The following ZMYND19 variants were observed in gnomAD, a reference collection of about 807,000 sequenced individuals.
ZMYND19 encodes zinc finger MYND-type containing 19.
Under a neutral mutation model 32.0 loss-of-function variants are expected in ZMYND19, and 17 were observed. The ratio of observed to expected loss-of-function variants is 0.53; its 90% CI spans 0.36 to 0.80. ZMYND19 has a LOEUF of 0.80. Ranked by LOEUF, ZMYND19 falls within the 30% of genes least tolerant of loss-of-function variation. The pLI is 0.00. For synonymous variants in ZMYND19, 124 were observed against 113.6 expected, an observed-to-expected ratio of 1.09 and a Z score of -0.58; for missense variants, 250 against 293.6, an observed-to-expected ratio of 0.85 and a Z score of 1.09.
In ZMYND19 at chr9:137,590,011, G is replaced by A. The variant is rs1284150991; in HGVS notation, c.51+202C>T. The A allele has an allele frequency of 1.4e-5, 14 of 985,090 alleles. No homozygotes were observed. Among genetic ancestry groups the A allele is most frequent in the East Asian group, 2.3e-4 (2 of 8,788 alleles). The allele number at this position is 985,090 out of a possible 1,614,324, so 61.0% of individuals were successfully genotyped here. A position where few individuals can be genotyped will look rare whatever the true frequency, so the allele number is the denominator to read the frequency against. On this transcript the variant is annotated intron_variant, in intron 1 of 5. Transcript: ENST00000298585. This position sits in a 1 kb window ranked among gnomAD's most constrained non-coding sequence, Gnocchi z 4.2. ...TGGCCAGGTGCACCCCAGAGCCGAG[G>A]GGTGCGTGCCCGCCGGCCTGCGAGA...
intron 4 of ZMYND19, among the ~76,000 whole-genome samples, chr9:137,585,057 G>A (rs574846138): frequency 6.6e-6 from 1 of 152,276 alleles, no homozygotes; most frequent in South Asian, 2.1e-4. Context: ...GCAGTATGAG[G>A]AAGGTCAAAA....
chr9:137,587,096 C>CG lies in ZMYND19; in HGVS notation c.229dup (p.Arg77ProfsTer37), dbSNP rs764895964. 6.2e-7 allele frequency: 1 copy of CG among 1,605,618 alleles called. No individual in the cohort carries two copies. Among genetic ancestry groups the CG allele is most frequent in the Non-Finnish European group, 8.5e-7 (1 of 1,179,960 alleles). On this transcript the variant is annotated frameshift_variant, in exon 4 of 6. Coordinates refer to ENST00000298585, the MANE Select transcript of ZMYND19 (RefSeq NM_138462.3). LOFTEE classifies it high-confidence loss of function. ...CTGGAAGCCCGGGGCCACGCCCCCC[C>CG]GGTGCCGCTCCCTAGAAACAGACAG...
chr9:137,588,599 C>T (rs942919251), intron 2 of ZMYND19, 60 bp downstream of exon 2: 25 of 1,586,564 alleles, frequency 1.6e-5, no homozygotes, highest in Admixed American at 8.4e-5. Flanking sequence ...GCTCGTTCCT[C>T]GTGACCCTCC....
At chr9:137,587,439 G>C (rs1464806860) in intron 3 of ZMYND19, 2 of 593,140 alleles carry the variant, frequency 3.4e-6, no homozygotes, top group South Asian at 2.1e-5. Context: ...TGCACACCGG[G>C]GGGGCTCGGC....
At chr9:137,583,283 C>T in intron 4 of ZMYND19, 120 bp from the exon 5 acceptor site, 1 of 1,070,592 alleles carries the variant, frequency 9.3e-7, no homozygotes, top group East Asian at 2.4e-5. Context: ...GAGTTTGAGT[C>T]TCCTTTGGCC....
chr9:137,587,920 G>C, intron 2 of ZMYND19, 97 bp from the exon 3 acceptor site: 1 of 1,250,356 alleles, frequency 8.0e-7, no homozygotes, highest in South Asian at 1.2e-5. Flanking sequence ...AAGCAAGCCA[G>C]AGGGACAAAT....
At position 137,587,189 on chromosome 9, in the gene ZMYND19, G is replaced by T. The variant is rs1048815965; in HGVS notation, c.219-82C>A. The T allele has an allele frequency of 3.2e-6, 5 of 1,547,860 alleles. No homozygotes were observed. In the African/African-American group the frequency reaches 4.1e-5, roughly 13 times the overall value. The stretch of plus-strand genomic sequence containing the variant: ...CAGACATTTCTGGTCAGGTACCAAA[G>T]TCCTTCCAGGAAGAAATGTCAGCCA... On this transcript the variant is annotated intron_variant, in intron 3 of 5. Transcript: ENST00000298585.
rs1426029321 is a variant in ZMYND19, at chr9:137,583,093, G to A, written c.430C>T (p.Leu144=). The change falls in exon 5 of 6, where the codon CTA becomes TTA. Residue 144 remains leucine, a synonymous_variant. Coordinates refer to ENST00000298585, the MANE Select transcript of ZMYND19 (RefSeq NM_138462.3). ...TDPIEEQFPV[L]NVTRYYNANG... ...GCATTATAATACCGGGTCACATTTA[G>A]GACAGGAAACTGTTCTTCTATAGGG... is the stretch of plus-strand genomic sequence containing the variant. The A allele has an allele frequency of 1.2e-6, 2 of 1,614,068 alleles. No individual in the cohort carries two copies. The highest frequency in any genetic ancestry group is 2.2e-5 in the East Asian group (1 of 44,900).
chr9:137,584,460 G>A (rs950095885), intron 4 of ZMYND19, among the ~76,000 whole-genome samples: 2 of 152,244 alleles, frequency 1.3e-5, no homozygotes, highest in African/African-American at 2.4e-5. Context: ...GTGCTGAGAG[G>A]ATTCAAGGTA....
chr9:137,583,266 C>T (rs887531703), intron 4 of ZMYND19, 103 bp from the exon 5 acceptor site: 5 of 1,323,978 alleles, frequency 3.8e-6, no homozygotes, highest in Non-Finnish European at 5.2e-6. Flanking sequence ...CCCAGGACAC[C>T]CAGCCCGAGT....
chr9:137,590,114 G>A lies in ZMYND19; in HGVS notation c.51+99C>T. On this transcript the variant is annotated intron_variant, in intron 1 of 5. Coordinates refer to ENST00000298585, the MANE Select transcript of ZMYND19 (RefSeq NM_138462.3). The surrounding 1 kb of genome is among the most constrained non-coding windows in gnomAD (Gnocchi z 4.2). Reference sequence around the variant, plus strand: ...CCCGCTGGGGCCCATCCCGGGCTCCGCGCCCCCGCCCCGGCCGCCGCCCGC... The same window carrying A: ...CCCGCTGGGGCCCATCCCGGGCTCCACGCCCCCGCCCCGGCCGCCGCCCGC... 1 of 982,038 alleles carries A rather than the reference G, an allele frequency of 1.0e-6. No individual in the cohort carries two copies. The highest frequency in any genetic ancestry group is 1.2e-6 in the Non-Finnish European group (1 of 828,380). 60.8% of individuals were successfully genotyped at this position (982,038 alleles called of 1,614,324 possible). A position where few individuals can be genotyped will look rare whatever the true frequency, so the allele number is the denominator to read the frequency against.
At position 137,590,441 on chromosome 9, in the gene ZMYND19, G is replaced by T; in HGVS notation, c.-178C>A. On this transcript the variant is annotated 5_prime_UTR_variant, in exon 1 of 6. Coordinates refer to ENST00000298585, the MANE Select transcript of ZMYND19 (RefSeq NM_138462.3). The surrounding 1 kb of genome is among the most constrained non-coding windows in gnomAD (Gnocchi z 4.2). The stretch of plus-strand genomic sequence containing the variant: ...GGGCTCGGGCCTCCGCCGCCGCCTC[G>T]CGCCCGCCGGACCTGCCACGCGCCG... 1 of 218,034 alleles carries T rather than the reference G, an allele frequency of 4.6e-6. No individual in the cohort carries two copies. The highest frequency in any genetic ancestry group is 7.6e-6 in the Non-Finnish European group (1 of 130,814). 13.5% of individuals were successfully genotyped at this position (218,034 alleles called of 1,614,324 possible).
chr9:137,583,184 C>T, intron 4 of ZMYND19, 21 bp from the exon 5 acceptor site: 2 of 1,611,174 alleles, frequency 1.2e-6, no homozygotes, highest in Non-Finnish European at 1.7e-6. Context: ...GAAGCAGACA[C>T]TTGAGTGCAC....
At chr9:137,584,582 G>A (rs1365764115) in intron 4 of ZMYND19, among the ~76,000 whole-genome samples, 2 of 152,216 alleles carry the variant, frequency 1.3e-5, no homozygotes, top group East Asian at 1.9e-4. Context: ...AGCAGCGGGC[G>A]AACTTGCGGA....
chr9:137,587,475 C>T (rs1485474630), intron 3 of ZMYND19: 3 of 597,646 alleles, frequency 5.0e-6, no homozygotes, highest in Non-Finnish European at 8.9e-6. Flanking sequence ...GAGCAACCAC[C>T]GTCCCTCCAG....
rs1226004602 is a variant in ZMYND19, at chr9:137,590,168, CTGGA to C, written c.51+41_51+44del. 53 of 1,025,144 alleles carry C rather than the reference CTGGA, an allele frequency of 5.2e-5. No homozygotes were observed. In the African/African-American group the frequency reaches 8.2e-4, roughly 16 times the overall value. 63.5% of individuals were successfully genotyped at this position (1,025,144 alleles called of 1,614,324 possible). A position where few individuals can be genotyped will look rare whatever the true frequency, so the allele number is the denominator to read the frequency against. ...ACCGCCCCCGGCCCCGCGCGGAGGC[CTGGA>C]CGGGCGAGACGGGCCGGGTCGCGGG... On this transcript the variant is annotated intron_variant, in intron 1 of 5. Transcript: ENST00000298585. This position sits in a 1 kb window ranked among gnomAD's most constrained non-coding sequence, Gnocchi z 4.2.
chr9:137,587,694 A>T (rs1588974430), intron 3 of ZMYND19, 23 bp downstream of exon 3: 1 of 1,608,626 alleles, frequency 6.2e-7, no homozygotes. Flanking sequence ...GGCGGGGGGC[A>T]GAGACAGCTT....
intron 5 of ZMYND19, 141 bp from the exon 6 acceptor site, chr9:137,582,827 C>T: frequency 6.6e-7 from 1 of 1,507,380 alleles, no homozygotes. Context: ...GTCAGGCCAG[C>T]ACAAGGGCAA....
Position 137,587,777 on chromosome 9 carries a change from G to A in ZMYND19, c.158C>T (p.Ala53Val). The change falls in exon 3 of 6, where the codon GCC (alanine) becomes GTC (valine). Residue 53 changes from alanine to valine, a missense_variant. By Grantham distance (64) the Ala-to-Val change is moderately conservative. Coordinates refer to ENST00000298585, the MANE Select transcript of ZMYND19 (RefSeq NM_138462.3). ...TCCTCGGTTCTTGTCAAAGGCATAG[G>A]CAAATATCTTAGCACCATTTCCATC... The part of the protein sequence containing the change: ...DADGNGAKIF[A>V]YAFDKNRGRG... 1 of 1,614,166 alleles carries A rather than the reference G, an allele frequency of 6.2e-7. No homozygotes were observed. The highest frequency in any genetic ancestry group is 1.1e-5 in the South Asian group (1 of 91,082).
Sources: allele counts gnomAD v4.1 joint callset (sites outside exome capture counted in the v4.1 genomes callset), GRCh38; gene constraint gnomAD v4.1.1; non-coding constraint Gnocchi (gnomAD v3.1); transcripts MANE v1.5; gene names NCBI Gene and HGNC (gene_info 2026-07-23, HGNC 2026-07-21).